Variants in NRG3 observed in about 807,000 individuals in gnomAD.
NRG3 encodes neuregulin 3.
Under a neutral mutation model 66.9 loss-of-function variants are expected in NRG3, and 31 were observed. The observed-to-expected ratio is 0.46, with a 90% CI of 0.35 to 0.63. The LOEUF is 0.63. Among genes scored for constraint, NRG3 ranks in the 20% least tolerant of loss-of-function variants. The pLI, the probability that NRG3 is intolerant of heterozygous loss-of-function variation, is 0.00. For synonymous variants in NRG3, 393 were observed against 359.4 expected (o/e 1.09, Z -1.06); for missense variants, 910 against 878.9 (o/e 1.04, Z -0.45).
At chr10:82,931,186 C>T (rs189506011) in intron 4 of NRG3, among the ~76,000 whole-genome samples, 8 of 152,214 alleles carry the variant, frequency 5.3e-5, no homozygotes, top group Admixed American at 2.0e-4. Context: ...GAGCCATGCC[C>T]GATCCAATTT....
At chr10:82,851,332 G>T (rs993416036) in intron 3 of NRG3, among the ~76,000 whole-genome samples, 15 of 152,144 alleles carry the variant, frequency 9.9e-5, no homozygotes, top group Non-Finnish European at 1.0e-4. Flanking sequence ...GGGTTGGGCA[G>T]ATTCTCTGTG....
chr10:82,208,840 A>T (rs1160966991), intron 1 of NRG3, among the ~76,000 whole-genome samples: 1 of 152,174 alleles, frequency 6.6e-6, no homozygotes, highest in African/African-American at 2.4e-5. Context: ...TGTAATATAA[A>T]GTTATCCAGA....
In NRG3 at chr10:82,198,331, A is replaced by G. The variant is rs1013325820; in HGVS notation, c.824-160408A>G. On this transcript the variant is annotated intron_variant, in intron 1 of 8. Coordinates refer to ENST00000372141, the MANE Select transcript of NRG3 (RefSeq NM_001010848.4). ...TTGTTTTGTTTTGTTATTCTTGCAA[A>G]AGCTCTTAGTGAGGTAGAACAAAAT... is the stretch of plus-strand genomic sequence containing the variant. Among the ~76,000 whole-genome samples, 13 of 151,170 alleles carry G rather than the reference A, an allele frequency of 8.6e-5. 1 individual carries two copies. The highest frequency in any genetic ancestry group is 3.2e-4 in the African/African-American group (13 of 41,200).
intron 3 of NRG3, among the ~76,000 whole-genome samples, chr10:82,772,517 A>G (rs2059750712): frequency 6.6e-6 from 1 of 151,832 alleles, no homozygotes. Context: ...TTTATTCTAT[A>G]TCTCTGTATA....
intron 1 of NRG3, among the ~76,000 whole-genome samples, chr10:81,906,296 G>A (rs1055147749): frequency 2.6e-5 from 4 of 152,074 alleles, no homozygotes; most frequent in African/African-American, 4.8e-5. Context: ...CTTCAATACA[G>A]TATGCAGCCA....
At chr10:81,991,741 A>T (rs997535663) in intron 1 of NRG3, among the ~76,000 whole-genome samples, 1 of 152,178 alleles carries the variant, frequency 6.6e-6, no homozygotes, top group Non-Finnish European at 1.5e-5. Context: ...TAATAATAAT[A>T]GAAATAATTA....
chr10:82,523,055 G>A (rs1340487132), intron 2 of NRG3, among the ~76,000 whole-genome samples: 2 of 152,118 alleles, frequency 1.3e-5, no homozygotes, highest in Non-Finnish European at 2.9e-5. Flanking sequence ...CTTTCTCTTA[G>A]CATGAAGTTT....
chr10:82,385,077 G>A (rs1041546253), intron 2 of NRG3, among the ~76,000 whole-genome samples: 15 of 152,122 alleles, frequency 9.9e-5, no homozygotes, highest in Non-Finnish European at 2.2e-4. Context: ...GTGATGTTGA[G>A]CTTTTTATTT....
At chr10:82,390,146 C>T (rs1330624745) in intron 2 of NRG3, among the ~76,000 whole-genome samples, 1 of 152,098 alleles carries the variant, frequency 6.6e-6, no homozygotes, top group African/African-American at 2.4e-5. Context: ...GTATTTTTTA[C>T]CTTAAGTCAC....
intron 2 of NRG3, among the ~76,000 whole-genome samples, chr10:82,672,032 C>T (rs1293710852): frequency 6.6e-6 from 1 of 152,164 alleles, no homozygotes; most frequent in Non-Finnish European, 1.5e-5. Context: ...TAGGTTTTAT[C>T]CTTACTGATC....
intron 1 of NRG3, among the ~76,000 whole-genome samples, chr10:82,173,852 C>T (rs2072826989): frequency 1.3e-5 from 2 of 152,184 alleles, no homozygotes; most frequent in South Asian, 4.1e-4. Context: ...GCCTCCTGAC[C>T]TCTGGTTAGC....
chr10:82,638,325 T>C (rs778595000), intron 2 of NRG3, among the ~76,000 whole-genome samples: 5 of 152,206 alleles, frequency 3.3e-5, no homozygotes, highest in Non-Finnish European at 7.4e-5. Context: ...AGTCTAAGCA[T>C]AATATGATTA....
chr10:82,782,351 T>G (rs2060151876), intron 3 of NRG3, among the ~76,000 whole-genome samples: 1 of 152,164 alleles, frequency 6.6e-6, no homozygotes, highest in African/African-American at 2.4e-5. Flanking sequence ...TTCAACCTTT[T>G]GCTGTGCAAT....
intron 2 of NRG3, among the ~76,000 whole-genome samples, chr10:82,491,321 A>G (rs913556632): frequency 1.6e-4 from 6 of 36,764 alleles, no homozygotes; most frequent in Non-Finnish European, 5.8e-4. Context: ...TATATAAAAT[A>G]AAGATGCATC....
intron 2 of NRG3, among the ~76,000 whole-genome samples, chr10:82,404,831 G>A (rs1408974638): frequency 1.3e-5 from 2 of 152,222 alleles, no homozygotes; most frequent in East Asian, 3.9e-4. Context: ...CCATTAGCTG[G>A]TCTGAGAGCA....
chr10:81,935,519 T>C (rs1212452475), intron 1 of NRG3, among the ~76,000 whole-genome samples: 2 of 152,168 alleles, frequency 1.3e-5, no homozygotes, highest in East Asian at 3.9e-4. Flanking sequence ...TGCCATACTT[T>C]GTTATAGTGG....
At position 82,478,644 on chromosome 10, in the gene NRG3, T is replaced by A. The variant is rs1048984497; in HGVS notation, c.953+119776T>A. Among the ~76,000 whole-genome samples, 7 of 23,210 alleles carry A rather than the reference T, an allele frequency of 3.0e-4. 3 individuals carry two copies. Among genetic ancestry groups the A allele is most frequent in the Non-Finnish European group, 1.2e-3 (6 of 5,022 alleles). The allele number at this position is 23,210 out of a possible 152,430, so 15.2% of individuals were successfully genotyped here. ...GCAGAACAAAATGAAAAGTCTCCCA[T>A]GTCTACTTCTTTCTACACAGACACG... On this transcript the variant is annotated intron_variant, in intron 2 of 8. Transcript: ENST00000372141.
chr10:82,329,092 G>A (rs2082012857), intron 1 of NRG3, among the ~76,000 whole-genome samples: 2 of 152,210 alleles, frequency 1.3e-5, no homozygotes, highest in South Asian at 4.1e-4. Flanking sequence ...GGGCCATGTA[G>A]TCCCAGAGAC....
At chr10:82,975,532 G>T (rs1564684984) in intron 7 of NRG3, among the ~76,000 whole-genome samples, 2 of 152,100 alleles carry the variant, frequency 1.3e-5, no homozygotes, top group African/African-American at 2.4e-5. Flanking sequence ...TTTTTGTTTG[G>T]ATCAATGACA....
Sources: allele counts gnomAD v4.1 joint callset (sites outside exome capture counted in the v4.1 genomes callset), GRCh38; gene constraint gnomAD v4.1.1; transcripts MANE v1.5; gene names NCBI Gene and HGNC (gene_info 2026-07-23, HGNC 2026-07-21).